DNAJC3: variants seen among roughly 807,000 people sequenced by gnomAD.
DNAJC3 encodes the protein dnaJ homolog subfamily C member 3.
DNAJC3 carries 38 observed loss-of-function variants against 68.6 expected under a neutral mutation model. That is an observed-to-expected ratio of 0.55 (90% CI 0.43 to 0.73). The LOEUF (loss-of-function observed/expected upper bound fraction) is 0.73. DNAJC3 is among the 30% of genes least tolerant of loss of function. The pLI is 0.00. For synonymous variants in DNAJC3, 203 were observed against 204.0 expected (o/e 1.00, Z 0.04); for missense variants, 526 against 591.9 (o/e 0.89, Z 1.16).
intron 1 of DNAJC3, among the ~76,000 whole-genome samples, chr13:95,704,818 T>C (rs1242779235): frequency 6.6e-6 from 1 of 151,376 alleles, no homozygotes; most frequent in East Asian, 1.9e-4. Flanking sequence ...ATCAGTTTTT[T>C]CAGTTTTAGA....
At chr13:95,721,057 T>C (rs569174495) in intron 2 of DNAJC3, among the ~76,000 whole-genome samples, 1 of 152,214 alleles carries the variant, frequency 6.6e-6, no homozygotes, top group South Asian at 2.1e-4. Flanking sequence ...ATTAGGGCCC[T>C]ATTCCTAACC....
chr13:95,687,330 A>G (rs1326181335), intron 1 of DNAJC3, among the ~76,000 whole-genome samples: 2 of 151,922 alleles, frequency 1.3e-5, no homozygotes, highest in Non-Finnish European at 1.5e-5. Flanking sequence ...ACATAATTTG[A>G]CCTCCTCTTG....
chr13:95,720,069 A>T (rs1022865126), intron 2 of DNAJC3, among the ~76,000 whole-genome samples: 1 of 152,120 alleles, frequency 6.6e-6, no homozygotes, highest in Non-Finnish European at 1.5e-5. Context: ...GAACCCATGG[A>T]TACAGAGGGC....
At chr13:95,722,014 C>A (rs946113967) in intron 2 of DNAJC3, among the ~76,000 whole-genome samples, 14 of 152,062 alleles carry the variant, frequency 9.2e-5, no homozygotes, top group Non-Finnish European at 1.3e-4. Context: ...GTAGATAAAT[C>A]TTTTATTTTT....
chr13:95,683,898 A>C (rs867490698), intron 1 of DNAJC3, among the ~76,000 whole-genome samples: 77 of 135,854 alleles, frequency 5.7e-4, no homozygotes, highest in South Asian at 2.8e-3. Flanking sequence ...GCACCACTGC[A>C]CTCCAGCCTG....
At chr13:95,766,781 G>A (rs760205243) in intron 9 of DNAJC3, among the ~76,000 whole-genome samples, 2 of 150,754 alleles carry the variant, frequency 1.3e-5, no homozygotes, top group African/African-American at 2.4e-5. Flanking sequence ...TGCAACTTCC[G>A]CCTTCCGGGT....
chr13:95,726,839 A>T (rs1478136670), intron 4 of DNAJC3, among the ~76,000 whole-genome samples: 4 of 152,238 alleles, frequency 2.6e-5, no homozygotes, highest in Admixed American at 1.3e-4. Flanking sequence ...GATAACCACT[A>T]TGAAAAGAAA....
chr13:95,757,542 C>A, intron 4 of DNAJC3, 102 bp from the exon 5 acceptor site: 1 of 1,203,828 alleles, frequency 8.3e-7, no homozygotes, highest in Non-Finnish European at 1.1e-6. Flanking sequence ...ACCCTTTTTA[C>A]CCAATGAACT....
intron 1 of DNAJC3, among the ~76,000 whole-genome samples, chr13:95,689,841 A>G (rs1399183720): frequency 6.6e-6 from 1 of 151,872 alleles, no homozygotes; most frequent in Non-Finnish European, 1.5e-5. Flanking sequence ...TTCTGCTTTA[A>G]TTTCATTGCT....
chr13:95,762,211 G>A (rs968937821), intron 7 of DNAJC3, among the ~76,000 whole-genome samples: 5 of 152,118 alleles, frequency 3.3e-5, no homozygotes, highest in Non-Finnish European at 7.4e-5. Context: ...GCGGTGAGCC[G>A]AGATTGTGCC....
chr13:95,756,112 G>A (rs1882654977), intron 4 of DNAJC3, among the ~76,000 whole-genome samples: 1 of 152,222 alleles, frequency 6.6e-6, no homozygotes, highest in Admixed American at 6.5e-5. Flanking sequence ...ATACGATCCT[G>A]AAGAGGCAGT....
rs1468232714 is a variant in DNAJC3, at chr13:95,735,035, T to C, written c.393+9783T>C. Among the ~76,000 whole-genome samples the C allele has an allele frequency of 1.2e-4, 18 of 149,178 alleles. No homozygotes were observed. The Admixed American group carries it at 1.2e-3, about 10-fold the overall frequency. Reference sequence around the variant, plus strand: ...CCTTTCTGTGTCCATGTGATCTCATTGTTCAATTCCCACCTATGAGTGAGA... The same window carrying C: ...CCTTTCTGTGTCCATGTGATCTCATCGTTCAATTCCCACCTATGAGTGAGA... On this transcript the variant is annotated intron_variant, in intron 4 of 11. Transcript: ENST00000602402.
Position 95,708,365 on chromosome 13 carries a change from G to A in DNAJC3, c.83-862G>A, listed in dbSNP as rs193109468. ...AGATCATGTTATTGATTCCACAGTA[G>A]TTCCCTGTTTTAAGACAAGTAAATA... On this transcript the variant is annotated intron_variant, in intron 1 of 11. Coordinates refer to ENST00000602402, the MANE Select transcript of DNAJC3 (RefSeq NM_006260.5). Among the ~76,000 whole-genome samples the A allele has an allele frequency of 6.6e-5, 10 of 152,298 alleles. No homozygotes were observed. The East Asian group carries it at 1.9e-3, about 29-fold the overall frequency.
At chr13:95,742,119 AG>A (rs1273888674) in intron 4 of DNAJC3, among the ~76,000 whole-genome samples, 8 of 152,142 alleles carry the variant, frequency 5.3e-5, no homozygotes, top group African/African-American at 1.7e-4. Flanking sequence ...CTTTGTCCCT[AG>A]GTGGCGGCTG....
At chr13:95,764,681 T>TATAC (rs1555328247) in intron 9 of DNAJC3, among the ~76,000 whole-genome samples, 1 of 110,044 alleles carries the variant, frequency 9.1e-6, no homozygotes, top group Non-Finnish European at 1.7e-5. Flanking sequence ...TATATATATA[T>TATAC]ATACACACAC....
chr13:95,705,351 C>T (rs1880704827), intron 1 of DNAJC3, among the ~76,000 whole-genome samples: 1 of 152,118 alleles, frequency 6.6e-6, no homozygotes, highest in Admixed American at 6.6e-5. Flanking sequence ...AGTGCTGCTG[C>T]TTAAGTTTCT....
At chr13:95,680,839 A>G (rs186167402) in intron 1 of DNAJC3, among the ~76,000 whole-genome samples, 1 of 152,234 alleles carries the variant, frequency 6.6e-6, no homozygotes, top group Non-Finnish European at 1.5e-5. Flanking sequence ...TGGAAGTATC[A>G]TGGGAACCCA....
intron 2 of DNAJC3, among the ~76,000 whole-genome samples, chr13:95,718,810 C>T (rs1881231671): frequency 2.0e-5 from 3 of 152,198 alleles, no homozygotes; most frequent in Admixed American, 2.0e-4. Flanking sequence ...TCTTCTGTGA[C>T]CTCTGGTCAC....
At chr13:95,738,379 G>T (rs1223994952) in intron 4 of DNAJC3, among the ~76,000 whole-genome samples, 3 of 149,448 alleles carry the variant, frequency 2.0e-5, no homozygotes, top group African/African-American at 4.9e-5. Flanking sequence ...GGGTATCCTT[G>T]TTGACTTTCT....
Sources: allele counts gnomAD v4.1 joint callset (sites outside exome capture counted in the v4.1 genomes callset), GRCh38; gene constraint gnomAD v4.1.1; transcripts MANE v1.5; gene names NCBI Gene and HGNC (gene_info 2026-07-23, HGNC 2026-07-21).